Variants in TPRG1 observed in about 807,000 individuals in gnomAD.
TPRG1 encodes the protein tumor protein p63 regulated 1.
In TPRG1, 29 loss-of-function variants were observed where a neutral mutation model predicts 29.3. The observed-to-expected ratio is 0.99, with a 90% CI of 0.74 to 1.35. The LOEUF (loss-of-function observed/expected upper bound fraction) is 1.35. TPRG1 is among the 40% of genes most tolerant of loss of function. The probability of loss-of-function intolerance (pLI) is 0.00; values close to 1 mark genes in which losing one functional copy is unlikely to be tolerated. For missense variants in TPRG1, 327 were observed against 335.0 expected, an observed-to-expected ratio of 0.98 and a Z score of 0.19; for synonymous variants, 130 against 116.8, an observed-to-expected ratio of 1.11 and a Z score of -0.73.
intron 4 of TPRG1, among the ~76,000 whole-genome samples, chr3:189,043,686 A>G (rs769758280): frequency 6.6e-6 from 1 of 152,086 alleles, no homozygotes; most frequent in Non-Finnish European, 1.5e-5. Flanking sequence ...CTGCGATGGC[A>G]CTGGAATTCT....
At chr3:189,305,667 A>G (rs1721512139) in intron 4 of TPRG1, among the ~76,000 whole-genome samples, 1 of 152,218 alleles carries the variant, frequency 6.6e-6, no homozygotes, top group African/African-American at 2.4e-5. Context: ...TGAAACATGT[A>G]ATTAACATGA....
chr3:189,065,101 C>T (rs746335731), intron 4 of TPRG1, among the ~76,000 whole-genome samples: 10 of 151,976 alleles, frequency 6.6e-5, no homozygotes, highest in Non-Finnish European at 1.5e-4. Context: ...TGCTGAAGCC[C>T]AGGAACTCAA....
chr3:189,007,723 A>T (rs1002333186), intron 3 of TPRG1, among the ~76,000 whole-genome samples: 1 of 140,176 alleles, frequency 7.1e-6, no homozygotes, highest in African/African-American at 2.8e-5. Context: ...AGCCATAAAA[A>T]ATGATGAGTT....
At chr3:189,294,485 A>C (rs1385906734) in intron 4 of TPRG1, among the ~76,000 whole-genome samples, 2 of 152,170 alleles carry the variant, frequency 1.3e-5, no homozygotes, top group South Asian at 4.1e-4. Context: ...ACTTTACTGA[A>C]ACACTCATTA....
At chr3:189,312,091 T>TTC (rs200658520) in intron 5 of TPRG1, among the ~76,000 whole-genome samples, 1,588 of 96,864 alleles carry the variant, frequency 0.016, 145 homozygotes, top group Middle Eastern at 0.022. Context: ...GTTTCTTTCT[T>TTC]TCTTTGTTTC....
At chr3:189,284,325 A>G (rs191406558) in intron 4 of TPRG1, among the ~76,000 whole-genome samples, 226 of 149,030 alleles carry the variant, frequency 1.5e-3, no homozygotes, top group Non-Finnish European at 2.5e-3. Context: ...AACATTAGGT[A>G]TATCTCCTAA....
At chr3:189,060,448 T>G (rs545996336) in intron 4 of TPRG1, among the ~76,000 whole-genome samples, 47 of 152,104 alleles carry the variant, frequency 3.1e-4, no homozygotes, top group Admixed American at 7.2e-4. Flanking sequence ...GCCAGAGGAA[T>G]CAGGTAAGAG....
intron 1 of TPRG1, among the ~76,000 whole-genome samples, chr3:189,183,545 C>G (rs1432733427): frequency 2.6e-5 from 4 of 151,904 alleles, no homozygotes. Context: ...TCTTTCACCC[C>G]TACAGTTTTG....
At chr3:189,154,746 A>G (rs67634788) in intron 5 of TPRG1, among the ~76,000 whole-genome samples, 38,394 of 152,060 alleles carry the variant, frequency 0.25, 5,982 homozygotes, top group African/African-American at 0.44. Context: ...CCCAGCCTGC[A>G]GTGTACATTT....
intron 3 of TPRG1, among the ~76,000 whole-genome samples, chr3:189,217,367 G>A (rs1736230376): frequency 6.6e-6 from 1 of 152,146 alleles, no homozygotes; most frequent in Non-Finnish European, 1.5e-5. Flanking sequence ...CTTTTGTTTT[G>A]TGGTACCTAT....
At chr3:189,207,915 T>C (rs891935390) in intron 2 of TPRG1, among the ~76,000 whole-genome samples, 6 of 152,230 alleles carry the variant, frequency 3.9e-5, no homozygotes, top group Middle Eastern at 6.3e-3. Context: ...CCATAGCAGC[T>C]AGAATACAAA....
At chr3:189,290,470 G>A (rs895033928) in intron 4 of TPRG1, among the ~76,000 whole-genome samples, 13 of 152,182 alleles carry the variant, frequency 8.5e-5, no homozygotes, top group Admixed American at 1.3e-4. Flanking sequence ...GATATCTTTC[G>A]TTGAGCACAT....
chr3:189,296,266 A>G (rs1719901871), intron 4 of TPRG1, among the ~76,000 whole-genome samples: 1 of 152,234 alleles, frequency 6.6e-6, no homozygotes, highest in African/African-American at 2.4e-5. Flanking sequence ...TAATTTCTTC[A>G]AAAGTTAATT....
At chr3:189,122,525 A>G (rs996655319) in intron 1 of TPRG1, among the ~76,000 whole-genome samples, 1 of 152,184 alleles carries the variant, frequency 6.6e-6, no homozygotes, top group South Asian at 2.1e-4. Flanking sequence ...CTAGAAGAGT[A>G]TTTTGCGTAG....
At chr3:189,272,653 CCTT>C (rs990693894) in intron 4 of TPRG1, among the ~76,000 whole-genome samples, 2 of 151,428 alleles carry the variant, frequency 1.3e-5, no homozygotes, top group Non-Finnish European at 2.9e-5. Flanking sequence ...CTCTTTCCTT[CCTT>C]CGTTTCTTTC....
chr3:189,286,116 T>C (rs1470376411), intron 4 of TPRG1, among the ~76,000 whole-genome samples: 1 of 152,074 alleles, frequency 6.6e-6, no homozygotes, highest in Non-Finnish European at 1.5e-5. Flanking sequence ...GCCAAAAAAA[T>C]GCTTCTGGTT....
At chr3:189,185,414 T>C (rs1730785232) in intron 1 of TPRG1, among the ~76,000 whole-genome samples, 1 of 152,024 alleles carries the variant, frequency 6.6e-6, no homozygotes, top group East Asian at 1.9e-4. Flanking sequence ...TTTGTAGAGA[T>C]GGTGTTTTGC....
chr3:189,263,611 T>C (rs2109049940), intron 4 of TPRG1, among the ~76,000 whole-genome samples: 1 of 152,342 alleles, frequency 6.6e-6, no homozygotes, highest in South Asian at 2.1e-4. Flanking sequence ...ATCTCTGGAA[T>C]TGCTGAGAAA....
chr3:189,236,015 A>G (rs1258077466), intron 3 of TPRG1, among the ~76,000 whole-genome samples: 1 of 152,218 alleles, frequency 6.6e-6, no homozygotes, highest in Non-Finnish European at 1.5e-5. Flanking sequence ...GCTCAATGCT[A>G]TTAATGTTTG....
Sources: gnomAD v4.1 joint callset for allele counts (sites outside exome capture counted in the v4.1 genomes callset) on GRCh38, gnomAD v4.1.1 for gene constraint, MANE v1.5 for transcripts, NCBI Gene and HGNC (gene_info 2026-07-23, HGNC 2026-07-21) for gene names.